SEPTIN6: variants seen among roughly 807,000 people sequenced by gnomAD.
SEPTIN6 encodes septin 6.
Under a neutral mutation model 33.6 loss-of-function variants are expected in SEPTIN6, and 8 were observed. The observed-to-expected ratio is 0.24, with a 90% CI of 0.14 to 0.43. SEPTIN6 has a LOEUF of 0.43. Ranked by LOEUF, SEPTIN6 falls within the 20% of genes least tolerant of loss-of-function variation. The probability of loss-of-function intolerance (pLI) is 1.00; values close to 1 mark genes in which losing one functional copy is unlikely to be tolerated. For synonymous variants in SEPTIN6, 131 were observed against 140.0 expected (o/e 0.94, Z 0.45); for missense variants, 250 against 340.8 (o/e 0.73, Z 2.10).
Position 119,668,799 on chromosome X carries a change from T to C in SEPTIN6, c.146-5122A>G, listed in dbSNP as rs138186039. On this transcript the variant is annotated intron_variant, in intron 2 of 10. Transcript: ENST00000394610. ...CCCTGTCTCTGTTTTATTTTTTATT[T>C]CCATAGGTTTTTGGGGACAGGTGGT... 5.7e-3 allele frequency among the ~76,000 whole-genome samples: 638 copies of C among 111,733 alleles called. 3 individuals carry two copies. Among genetic ancestry groups the C allele is most frequent in the Admixed American group, 0.01 (106 of 10,481 alleles).
Position 119,618,771 on chromosome X carries a change from A to G in SEPTIN6, c.*1322T>C. 1 of 1,210,865 alleles carries G rather than the reference A, an allele frequency of 8.3e-7. No individual in the cohort carries two copies. Among genetic ancestry groups the G allele is most frequent in the Non-Finnish European group, 1.1e-6 (1 of 894,837 alleles). ...GCTGTAGCGGGGAATACTATTCAGT[A>G]CACAGCCATGGATTACTGCAAAGGA... On this transcript the variant is annotated 3_prime_UTR_variant, in exon 11 of 11. Transcript: ENST00000394610.
At chrX:119,684,616 G>A (rs886607944) in intron 1 of SEPTIN6, among the ~76,000 whole-genome samples, 3 of 106,843 alleles carry the variant, frequency 2.8e-5, no homozygotes, top group South Asian at 8.7e-4. Context: ...TCAGCCTCCC[G>A]AGTAGCTGGG....
At chrX:119,633,562 A>G (rs1309960562) in intron 7 of SEPTIN6, 70 bp from the exon 8 acceptor site, 2 of 1,116,951 alleles carry the variant, frequency 1.8e-6, no homozygotes, top group African/African-American at 3.7e-5. Context: ...GGCCCCAAAG[A>G]TCCTCACTGG....
At chrX:119,650,592 A>C (rs944874599) in intron 4 of SEPTIN6, among the ~76,000 whole-genome samples, 1 of 111,412 alleles carries the variant, frequency 9.0e-6, no homozygotes, top group African/African-American at 3.3e-5. Context: ...TGTGGCTGAC[A>C]GGGGAGAGGT....
intron 10 of SEPTIN6, among the ~76,000 whole-genome samples, chrX:119,621,187 G>C (rs1313954631): frequency 1.8e-5 from 2 of 109,962 alleles, no homozygotes; most frequent in Admixed American, 9.8e-5. Context: ...GGCAAGACCT[G>C]TTTGCAGAGC....
chrX:119,650,372 G>A lies in SEPTIN6; in HGVS notation c.529-274C>T, dbSNP rs186920182. 8.0e-4 allele frequency among the ~76,000 whole-genome samples: 90 copies of A among 112,296 alleles called. 1 individual carries two copies. Among genetic ancestry groups the A allele is most frequent in the Admixed American group, 1.8e-3 (19 of 10,550 alleles). ...ACTATTTTGCCAATGAGAAATTAAG[G>A]CATAGGGAGGTTAAGTAACTTGTCC... On this transcript the variant is annotated intron_variant, in intron 4 of 10. Coordinates refer to ENST00000394610, the MANE Select transcript of SEPTIN6 (RefSeq NM_145799.4).
rs61037430 is a variant in SEPTIN6, at chrX:119,647,483, C to CT, written c.690+2453dup. ...TTTCTTTCCTTTCCTTTCTCTCTCT[C>CT]TTTTTTTTTTTTTGTGAGACAGGGT... On this transcript the variant is annotated intron_variant, in intron 5 of 10. Transcript: ENST00000394610. Among the ~76,000 whole-genome samples, 197 of 74,368 alleles carry CT rather than the reference C, an allele frequency of 2.6e-3. 5 individuals are homozygous for CT. In the East Asian group the frequency reaches 0.04, roughly 15 times the overall value. 64.6% of individuals were successfully genotyped at this position (74,368 alleles called of 115,157 possible).
At chrX:119,665,103 C>CTTT (rs779678789) in intron 2 of SEPTIN6, among the ~76,000 whole-genome samples, 5 of 91,774 alleles carry the variant, frequency 5.4e-5, no homozygotes, top group African/African-American at 8.6e-5. Context: ...TCTTCTTCTT[C>CTTT]TTTTTTTTTT....
At chrX:119,645,236 C>T (rs1415675532) in intron 5 of SEPTIN6, among the ~76,000 whole-genome samples, 16 of 71,176 alleles carry the variant, frequency 2.2e-4, no homozygotes, top group African/African-American at 9.9e-4. Flanking sequence ...AAGGCCCTAC[C>T]TTTTTTTTTT....
Sources: gnomAD v4.1 joint callset for allele counts (sites outside exome capture counted in the v4.1 genomes callset) on GRCh38, gnomAD v4.1.1 for gene constraint, MANE v1.5 for transcripts, NCBI Gene and HGNC (gene_info 2026-07-23, HGNC 2026-07-21) for gene names.